The following USP43 variants were observed in gnomAD, a reference collection of about 807,000 sequenced individuals.
The protein encoded by USP43 is ubiquitin carboxyl-terminal hydrolase 43.
In USP43, 33 loss-of-function variants were observed where a neutral mutation model predicts 90.7. The ratio of observed to expected loss-of-function variants is 0.36; its 90% CI spans 0.28 to 0.49. USP43 has a LOEUF of 0.49. Ranked by LOEUF, USP43 falls within the 20% of genes least tolerant of loss-of-function variation. The pLI is 0.98. For missense variants in USP43, 1,274 were observed against 1,476.4 expected (o/e 0.86, Z 2.25); for synonymous variants, 598 against 615.8 (o/e 0.97, Z 0.43).
At chr17:9,705,169 T>A (rs1457797364) in intron 12 of USP43, among the ~76,000 whole-genome samples, 1 of 152,164 alleles carries the variant, frequency 6.6e-6, no homozygotes. Context: ...CCACAATTTC[T>A]TTATGTAAAT....
intron 8 of USP43, among the ~76,000 whole-genome samples, chr17:9,689,008 G>A (rs1020642784): frequency 1.3e-5 from 2 of 152,040 alleles, no homozygotes; most frequent in East Asian, 3.9e-4. Context: ...TTTTAGAAAT[G>A]GATCAAGCAA....
intron 14 of USP43, among the ~76,000 whole-genome samples, chr17:9,722,280 C>T (rs1597897953): frequency 1.3e-5 from 2 of 152,192 alleles, no homozygotes; most frequent in Admixed American, 6.5e-5. Flanking sequence ...TTCGCATTTG[C>T]CTGCTATCAT....
At chr17:9,649,933 A>T (rs997878754) in intron 1 of USP43, among the ~76,000 whole-genome samples, 17 of 152,122 alleles carry the variant, frequency 1.1e-4, no homozygotes, top group African/African-American at 4.1e-4. Context: ...TTCTTTATGG[A>T]GATCTATGGT....
chr17:9,709,903 T>C lies in USP43; in HGVS notation c.2012-53T>C. ...TTCAGCTATGCCAGTGGGAAATGTC[T>C]TCCTACCTTTTGGGGCTCCAATAAC... On this transcript the variant is annotated intron_variant, in intron 12 of 14. Transcript: ENST00000285199. The surrounding 1 kb of genome is among the most constrained non-coding windows in gnomAD (Gnocchi z 5.0). 1 of 1,370,392 alleles carries C rather than the reference T, an allele frequency of 7.3e-7. No homozygotes were observed. Among genetic ancestry groups the C allele is most frequent in the Non-Finnish European group, 9.5e-7 (1 of 1,052,714 alleles). The allele number at this position is 1,370,392 out of a possible 1,614,324, so 84.9% of individuals were successfully genotyped here. A position where few individuals can be genotyped will look rare whatever the true frequency, so the allele number is the denominator to read the frequency against.
chr17:9,647,846 TCCAAAAAAAA>T lies in USP43; in HGVS notation c.504+1711_504+1720del, dbSNP rs1234159594. 1.1e-4 allele frequency among the ~76,000 whole-genome samples: 4 copies of T among 37,434 alleles called. 1 individual carries two copies. In the South Asian group the frequency reaches 3.4e-3, roughly 32 times the overall value. The allele number at this position is 37,434 out of a possible 152,430, so 24.6% of individuals were successfully genotyped here. On this transcript the variant is annotated intron_variant, in intron 1 of 14. Transcript: ENST00000285199. ...GGTGAAACCCCGTCTTTACTAAAAA[TCCAAAAAAAA>T]AAAAAAAAAAAAAAATTAGCCGGAC...
intron 2 of USP43, among the ~76,000 whole-genome samples, chr17:9,664,721 T>A (rs1912898390): frequency 6.7e-6 from 1 of 150,004 alleles, no homozygotes; most frequent in East Asian, 2.0e-4. Flanking sequence ...CACTTTAAGC[T>A]CCGCCTCCCG....
chr17:9,665,629 A>G (rs1455330441), intron 2 of USP43, among the ~76,000 whole-genome samples: 1 of 152,160 alleles, frequency 6.6e-6, no homozygotes, highest in African/African-American at 2.4e-5. Context: ...TTGGGTAGGG[A>G]CACAGCCAAA....
rs762153238 is a variant in USP43 at position 9,728,206 on chromosome 17, C to T, written c.2588C>T (p.Ser863Leu). ...GGCACTGCGGGTGAGGATGAGAAGT[C>T]AGCATCGCCGAGGTCCAACGTCGCC... is the stretch of plus-strand genomic sequence containing the variant. Reference protein sequence around the residue: ...LTGTAGEDEKSASPRSNVALP... With the variant: ...LTGTAGEDEKLASPRSNVALP... The change falls in exon 15 of 15, where the codon TCA becomes TTA. Residue 863 changes from serine (S) to leucine (L), a missense_variant. Ser to Leu is a moderately radical substitution (Grantham distance 145). Coordinates refer to ENST00000285199, the MANE Select transcript of USP43 (RefSeq NM_153210.5). This position sits in a 1 kb window ranked among gnomAD's most constrained non-coding sequence, Gnocchi z 6.2. The T allele has an allele frequency of 1.4e-5, 22 of 1,613,834 alleles. No homozygotes were observed. Among genetic ancestry groups the T allele is most frequent in the Non-Finnish European group, 1.8e-5 (21 of 1,179,902 alleles).
At chr17:9,659,281 G>A (rs1181991491) in intron 2 of USP43, among the ~76,000 whole-genome samples, 1 of 152,088 alleles carries the variant, frequency 6.6e-6, no homozygotes, top group African/African-American at 2.4e-5. Context: ...TTCTCTACCT[G>A]ACACAGAGTA....
intron 14 of USP43, among the ~76,000 whole-genome samples, chr17:9,715,752 T>C (rs529173826): frequency 2.4e-4 from 36 of 148,904 alleles, no homozygotes; most frequent in African/African-American, 8.3e-4. Context: ...TCTCTGTAGG[T>C]ATGTGTCTGC....
At position 9,676,766 on chromosome 17, in the gene USP43, T is replaced by G; in HGVS notation, c.854T>G (p.Val285Gly). 6.2e-7 allele frequency: 1 copy of G among 1,613,876 alleles called. No individual in the cohort carries two copies. Among genetic ancestry groups the G allele is most frequent in the South Asian group, 1.1e-5 (1 of 91,042 alleles). ...RQTRFLSVTL[V>G]FPSKSQRFLR... ...TCCAGGTTCTTGAGTGTCACCTTGGTCTTCCCCTCTAAGAGCCAGCGGTTC... is the reference window on the plus strand; with the variant it reads ...TCCAGGTTCTTGAGTGTCACCTTGGGCTTCCCCTCTAAGAGCCAGCGGTTC... The change falls in exon 5 of 15, where the codon GTC becomes GGC. Residue 285 changes from valine (V) to glycine (G), a missense_variant. This residue lies in a region of USP43 where 259 missense variants were observed against 373.7 expected (regional missense o/e 0.69). Coordinates refer to ENST00000285199, the MANE Select transcript of USP43 (RefSeq NM_153210.5).
At chr17:9,724,203 C>G (rs964447769) in intron 14 of USP43, among the ~76,000 whole-genome samples, 1 of 152,174 alleles carries the variant, frequency 6.6e-6, no homozygotes, top group Non-Finnish European at 1.5e-5. Flanking sequence ...CAGCCTTTTT[C>G]TTCCCCGCTT....
chr17:9,659,131 A>G (rs926569499), intron 2 of USP43, among the ~76,000 whole-genome samples: 4 of 152,214 alleles, frequency 2.6e-5, no homozygotes, highest in Non-Finnish European at 5.9e-5. Flanking sequence ...GCAGATAAAC[A>G]TATGTCTACT....
rs1009165961 is a variant in USP43, at chr17:9,674,511, G to A, written c.741-380G>A. ...TGTTCTGGATACTTCATATAAACGG[G>A]ATCGTACAATATGTGGGCTTTCATG... is the stretch of plus-strand genomic sequence containing the variant. On this transcript the variant is annotated intron_variant, in intron 3 of 14. Transcript: ENST00000285199. The surrounding 1 kb of genome is among the most constrained non-coding windows in gnomAD (Gnocchi z 4.4). 6.6e-6 allele frequency among the ~76,000 whole-genome samples: 1 copy of A among 152,154 alleles called. No individual in the cohort carries two copies. The highest frequency in any genetic ancestry group is 1.9e-4 in the East Asian group (1 of 5,184).
chr17:9,701,215 A>G lies in USP43; in HGVS notation c.1632A>G (p.Glu544=). The change falls in exon 11 of 15, where the codon GAA becomes GAG. Residue 544 remains glutamate (E), a synonymous_variant. Coordinates refer to ENST00000285199, the MANE Select transcript of USP43 (RefSeq NM_153210.5). This position sits in a 1 kb window ranked among gnomAD's most constrained non-coding sequence, Gnocchi z 7.2. The part of the protein sequence containing the change: ...AHQQHSCTLD[E]CFQFYTKEEQ... Reference sequence around the variant, plus strand: ...AGCAGCACAGCTGTACCTTGGATGAATGTTTTCAGTTCTACACCAAGGAGG... The same window carrying G: ...AGCAGCACAGCTGTACCTTGGATGAGTGTTTTCAGTTCTACACCAAGGAGG... 1.9e-6 allele frequency: 3 copies of G among 1,602,802 alleles called. No individual in the cohort carries two copies. Among genetic ancestry groups the G allele is most frequent in the Non-Finnish European group, 1.7e-6 (2 of 1,174,136 alleles).
At chr17:9,645,483 C>A, upstream of USP43, 1 of 758,702 alleles carries the variant, frequency 1.3e-6, no homozygotes, top group Non-Finnish European at 1.7e-6. This position sits in a 1 kb window ranked among gnomAD's most constrained non-coding sequence, Gnocchi z 6.8. Context: ...GCGGGGCTGC[C>A]CCGCCCTTGG....
intron 6 of USP43, among the ~76,000 whole-genome samples, chr17:9,681,087 TA>T (rs1256207060): frequency 7.7e-6 from 1 of 129,390 alleles, no homozygotes; most frequent in East Asian, 2.1e-4. Flanking sequence ...ATATATAATA[TA>T]ATATATGACA....
At chr17:9,658,206 C>T (rs1912395039) in intron 2 of USP43, among the ~76,000 whole-genome samples, 1 of 152,176 alleles carries the variant, frequency 6.6e-6, no homozygotes, top group South Asian at 2.1e-4. Flanking sequence ...ATCACCTTCC[C>T]ATCCCTTCAG....
intron 6 of USP43, 62 bp from the exon 7 acceptor site, chr17:9,682,761 G>C: frequency 4.4e-6 from 7 of 1,580,482 alleles, no homozygotes; most frequent in South Asian, 3.5e-5. Context: ...AGAAGCTAAG[G>C]CTCTGACCCA....
Sources: gnomAD v4.1 joint callset for allele counts (sites outside exome capture counted in the v4.1 genomes callset) on GRCh38, gnomAD v4.1.1 for gene constraint, gnomAD v4.1.1 regional missense constraint, Gnocchi (gnomAD v3.1) non-coding constraint, MANE v1.5 for transcripts, NCBI Gene and HGNC (gene_info 2026-07-23, HGNC 2026-07-21) for gene names.